USH2A: variants seen among roughly 807,000 people sequenced by gnomAD.
The protein encoded by USH2A is usherin.
In USH2A, 443 loss-of-function variants were observed where a neutral mutation model predicts 538.9. That is an observed-to-expected ratio of 0.82 (90% confidence interval 0.76 to 0.89). The LOEUF (loss-of-function observed/expected upper bound fraction) is 0.89. Ranked by LOEUF, USH2A falls within the 40% of genes least tolerant of loss-of-function variation. USH2A has a pLI of 0.00. For synonymous variants in USH2A, 2,413 were observed against 2,273.5 expected (o/e 1.06, Z -1.75); for missense variants, 6,633 against 6,324.8 (o/e 1.05, Z -1.65).
At chr1:216,281,749 A>C (rs1257166087) in intron 11 of USH2A, among the ~76,000 whole-genome samples, 2 of 152,010 alleles carry the variant, frequency 1.3e-5, no homozygotes, top group Admixed American at 1.3e-4. Context: ...TCCATCTTTA[A>C]TATTTTGAGA....
chr1:215,845,493 A>G (rs1345536850), intron 45 of USH2A, among the ~76,000 whole-genome samples: 1 of 151,918 alleles, frequency 6.6e-6, no homozygotes, highest in East Asian at 1.9e-4. Context: ...GTTTTGAAAA[A>G]CGTACTGCTT....
intron 20 of USH2A, 130 bp downstream of exon 20, chr1:216,190,093 T>C (rs894669272): frequency 1.5e-6 from 2 of 1,327,962 alleles, no homozygotes; most frequent in Non-Finnish European, 2.1e-6. Context: ...ACTGTTGAGG[T>C]AAGAAGCAAT....
chr1:216,078,377 A>T lies in USH2A; in HGVS notation c.5299-15T>A, dbSNP rs2031826813. ...TTCAGCTCCATCTGTATTTTATATTAAAAAAGAAAGTAGGTATATAAAAAG... is the reference window on the plus strand; with the variant it reads ...TTCAGCTCCATCTGTATTTTATATTTAAAAAGAAAGTAGGTATATAAAAAG... On this transcript the variant is annotated splice_polypyrimidine_tract_variant and intron_variant, in intron 26 of 71. Coordinates refer to ENST00000307340, the MANE Select transcript of USH2A (RefSeq NM_206933.4). The T allele has an allele frequency of 1.9e-6, 3 of 1,611,800 alleles. No homozygotes were observed. The highest frequency in any genetic ancestry group is 2.5e-6 in the Non-Finnish European group (3 of 1,178,450).
rs2038573067 is a variant in USH2A, at chr1:216,365,231, G to A, written c.652-146C>T. 29 of 928,146 alleles carry A rather than the reference G, an allele frequency of 3.1e-5. No homozygotes were observed. The South Asian group carries it at 5.2e-4, about 17-fold the overall frequency. 57.5% of individuals were successfully genotyped at this position (928,146 alleles called of 1,614,324 possible). ...CTGAAAACATTATTTTAATAGCTCA[G>A]TGATATCTCCATGTGTTTATCTAGA... On this transcript the variant is annotated intron_variant, in intron 3 of 71. Coordinates refer to ENST00000307340, the MANE Select transcript of USH2A (RefSeq NM_206933.4).
At chr1:215,918,582 AT>A (rs1185290509) in intron 38 of USH2A, among the ~76,000 whole-genome samples, 2 of 152,100 alleles carry the variant, frequency 1.3e-5, no homozygotes, top group Non-Finnish European at 2.9e-5. Flanking sequence ...AGTCTATAGT[AT>A]TTTGTTGTAG....
At chr1:215,630,238 G>C (rs957897896) in intron 70 of USH2A, 4 of 458,580 alleles carry the variant, frequency 8.7e-6, no homozygotes, top group Non-Finnish European at 1.8e-5. Flanking sequence ...TGACACATCA[G>C]ATATATCAGC....
At chr1:216,253,920 C>T (rs2036210904) in intron 11 of USH2A, among the ~76,000 whole-genome samples, 1 of 152,142 alleles carries the variant, frequency 6.6e-6, no homozygotes, top group South Asian at 2.1e-4. Flanking sequence ...TCTTCTGTGG[C>T]TTCTCTCTTC....
chr1:215,916,182 TATA>T (rs547648136), intron 38 of USH2A, among the ~76,000 whole-genome samples: 249 of 151,760 alleles, frequency 1.6e-3, no homozygotes, highest in Non-Finnish European at 2.8e-3. Context: ...AAACTTAAAG[TATA>T]ATAATAATAA....
At chr1:216,030,213 AT>A (rs1669074251) in intron 32 of USH2A, among the ~76,000 whole-genome samples, 1 of 140,630 alleles carries the variant, frequency 7.1e-6, no homozygotes, top group South Asian at 2.2e-4. Flanking sequence ...CATCACACAT[AT>A]ATTATATATG....
chr1:215,662,682 T>C (rs1657480859), intron 64 of USH2A, among the ~76,000 whole-genome samples: 1 of 152,216 alleles, frequency 6.6e-6, no homozygotes, highest in Non-Finnish European at 1.5e-5. Context: ...ACTCAGGCCC[T>C]AAAGTTTTAG....
intron 3 of USH2A, among the ~76,000 whole-genome samples, chr1:216,377,265 T>C (rs1327175967): frequency 6.6e-6 from 1 of 152,212 alleles, no homozygotes; most frequent in Non-Finnish European, 1.5e-5. Flanking sequence ...AGGTAGTCCT[T>C]TCTGATCAAA....
rs780020144 is a variant in USH2A at position 215,817,166 on chromosome 1, C to T, written c.9401G>A (p.Arg3134Gln). 99 of 1,612,074 alleles carry T rather than the reference C, an allele frequency of 6.1e-5. No homozygotes were observed. In the Admixed American group the frequency reaches 1.2e-3, roughly 20 times the overall value. ...TCCAAGAATGATGCCATTTGGCTTC[C>T]GTGGAGACACCCAATCAATTTGAAG... ...RSLQIDWVSP[R>Q]KPNGIILGYD... Residue 3134 changes from arginine (R) to glutamine (Q), a missense_variant, in exon 48 of 72, where the codon CGG (arginine) becomes CAG (glutamine). By Grantham distance (43) the Arg-to-Gln change is conservative. Transcript: ENST00000307340.
chr1:215,942,067 T>C (rs912273897), intron 37 of USH2A, among the ~76,000 whole-genome samples: 11 of 152,152 alleles, frequency 7.2e-5, no homozygotes, highest in African/African-American at 2.4e-4. Context: ...TGGCCAGGAC[T>C]GAAATCCCAT....
chr1:216,396,007 C>T (rs1222531592), intron 3 of USH2A, among the ~76,000 whole-genome samples: 1 of 152,188 alleles, frequency 6.6e-6, no homozygotes, highest in Non-Finnish European at 1.5e-5. Context: ...CAGCTACATA[C>T]ACATACACTA....
chr1:215,764,311 T>C (rs1409410003), intron 56 of USH2A, among the ~76,000 whole-genome samples: 2 of 152,128 alleles, frequency 1.3e-5, no homozygotes, highest in Admixed American at 1.3e-4. Flanking sequence ...TGAAAAAGAC[T>C]GGGTCTTCTT....
chr1:216,222,598 G>A (rs1354920755), intron 14 of USH2A, among the ~76,000 whole-genome samples: 1 of 152,176 alleles, frequency 6.6e-6, no homozygotes, highest in Non-Finnish European at 1.5e-5. Context: ...GAGGGTAAGA[G>A]TCAGAGAGAA....
chr1:216,412,107 T>A (rs899781470), intron 3 of USH2A, among the ~76,000 whole-genome samples: 1 of 152,160 alleles, frequency 6.6e-6, no homozygotes, highest in Non-Finnish European at 1.5e-5. Flanking sequence ...CAATATTTTC[T>A]TTATATGTTC....
chr1:216,279,899 G>A (rs952976451), intron 11 of USH2A, among the ~76,000 whole-genome samples: 1 of 152,058 alleles, frequency 6.6e-6, no homozygotes, highest in Non-Finnish European at 1.5e-5. Context: ...CACCTGTGGA[G>A]GTGGCTATAG....
chr1:216,372,933 A>T (rs569344735), intron 3 of USH2A, among the ~76,000 whole-genome samples: 79 of 152,306 alleles, frequency 5.2e-4, no homozygotes, highest in African/African-American at 1.8e-3. Context: ...TAGCTGTAAA[A>T]TACCTTAGAA....
Sources: gnomAD v4.1 joint callset for allele counts (sites outside exome capture counted in the v4.1 genomes callset) on GRCh38, gnomAD v4.1.1 for gene constraint, MANE v1.5 for transcripts, NCBI Gene and HGNC (gene_info 2026-07-23, HGNC 2026-07-21) for gene names.